Variants in MICALL2 observed in about 807,000 individuals in gnomAD.
MICALL2 encodes the protein MICAL like 2.
Under a neutral mutation model 91.1 loss-of-function variants are expected in MICALL2, and 111 were observed. The observed-to-expected ratio is 1.22, with a 90% confidence interval of 1.04 to 1.43. MICALL2 has a LOEUF of 1.43. Among genes scored for constraint, MICALL2 ranks in the 40% most tolerant of loss-of-function variants. The probability of loss-of-function intolerance (pLI) is 0.00; values close to 1 mark genes in which losing one functional copy is unlikely to be tolerated. For synonymous variants in MICALL2, 694 were observed against 525.3 expected (o/e 1.32, Z -4.39); for missense variants, 1,556 against 1,236.0 (o/e 1.26, Z -3.88).
chr7:1,457,053 G>C (rs6963362), intron 1 of MICALL2, among the ~76,000 whole-genome samples: 3 of 152,100 alleles, frequency 2.0e-5, no homozygotes, highest in Non-Finnish European at 4.4e-5. Flanking sequence ...GGAGGTTCTC[G>C]GGGAGGGTCC....
intron 15 of MICALL2, among the ~76,000 whole-genome samples, 188 bp downstream of exon 15, chr7:1,436,551 CAAA>C (rs59955608): frequency 3.4e-4 from 25 of 74,468 alleles, no homozygotes; most frequent in African/African-American, 7.8e-4. Context: ...GACTCTGTCT[CAAA>C]AAAAAAAAAA....
intron 13 of MICALL2, 119 bp downstream of exon 13, chr7:1,437,770 TG>T: frequency 1.6e-6 from 2 of 1,245,762 alleles, no homozygotes; most frequent in Non-Finnish European, 2.3e-6. Context: ...AACGAGGTCC[TG>T]GACCTGCCGC....
At chr7:1,447,906 G>C (rs1323524697) in intron 3 of MICALL2, 141 bp from the exon 4 acceptor site, 2 of 584,532 alleles carry the variant, frequency 3.4e-6, no homozygotes, top group Non-Finnish European at 5.5e-6. Flanking sequence ...AGGTAACCCT[G>C]AGGGCACTTT....
rs1252174192 is a variant in MICALL2, at chr7:1,440,459, C to G, written c.1805+132G>C. On this transcript the variant is annotated intron_variant, in intron 8 of 16. Coordinates refer to ENST00000297508, the MANE Select transcript of MICALL2 (RefSeq NM_182924.4). ...CCCATGTCCCTCAGGCAGGGGTGAC[C>G]TGGCCTCTGCTACTCACAGGGAGGT... is the stretch of plus-strand genomic sequence containing the variant. The G allele has an allele frequency of 6.1e-6, 5 of 813,942 alleles. No homozygotes were observed. The East Asian group carries it at 1.3e-4, about 22-fold the overall frequency. 50.4% of individuals were successfully genotyped at this position (813,942 alleles called of 1,614,324 possible). A position where few individuals can be genotyped will look rare whatever the true frequency, so the allele number is the denominator to read the frequency against.
Position 1,438,108 on chromosome 7 carries a change from G to T in MICALL2, c.2300C>A (p.Ala767Glu), listed in dbSNP as rs750235718. The change falls in exon 12 of 17, where the codon GCG becomes GAG. Residue 767 changes from alanine to glutamate, a missense_variant. Coordinates refer to ENST00000297508, the MANE Select transcript of MICALL2 (RefSeq NM_182924.4). ...RGVELEKRLRAAEGDDAEDSL... is the reference protein window; with the variant it reads ...RGVELEKRLREAEGDDAEDSL... ...GCCGAGGCGCTCACCTCCCTCGGCCGCCCGCAGTCGCTTCTCCAGCTCCAC... is the reference window on the plus strand; with the variant it reads ...GCCGAGGCGCTCACCTCCCTCGGCCTCCCGCAGTCGCTTCTCCAGCTCCAC... 2 of 1,564,252 alleles carry T rather than the reference G, an allele frequency of 1.3e-6. No individual in the cohort carries two copies. The highest frequency in any genetic ancestry group is 8.7e-7 in the Non-Finnish European group (1 of 1,155,328).
chr7:1,442,532 TCCCA>T, intron 6 of MICALL2, 48 bp from the exon 7 acceptor site: 5 of 1,498,044 alleles, frequency 3.3e-6, no homozygotes, highest in South Asian at 2.7e-5. Flanking sequence ...CCAGGCGCCC[TCCCA>T]CCATCACCCG....
chr7:1,438,229 G>T lies in MICALL2; in HGVS notation c.2188-9C>A. The T allele has an allele frequency of 6.3e-7, 1 of 1,588,848 alleles. No individual in the cohort carries two copies. The highest frequency in any genetic ancestry group is 8.6e-7 in the Non-Finnish European group (1 of 1,167,822). ...AGGTAGTCGGGGTGCAGCTGGGAAC[G>T]GAGGGGCGGTGAGGATGCCGGAGGG... On this transcript the variant is annotated splice_polypyrimidine_tract_variant and intron_variant, in intron 11 of 16. Coordinates refer to ENST00000297508, the MANE Select transcript of MICALL2 (RefSeq NM_182924.4).
chr7:1,445,897 G>C (rs1396038349), intron 5 of MICALL2, among the ~76,000 whole-genome samples: 2 of 151,876 alleles, frequency 1.3e-5, no homozygotes. Flanking sequence ...CCCCCACCCG[G>C]GGTGCAGGGT....
chr7:1,450,210 A>G (rs112536941), intron 2 of MICALL2, 30 bp downstream of exon 2: 1 of 1,604,788 alleles, frequency 6.2e-7, no homozygotes, highest in African/African-American at 1.3e-5. Flanking sequence ...TGGCTAAGCC[A>G]GCTGTGAGGC....
At chr7:1,439,620 T>C (rs1780178055) in intron 9 of MICALL2, 2 of 319,198 alleles carry the variant, frequency 6.3e-6, no homozygotes, top group South Asian at 1.1e-4. Flanking sequence ...ATCACATACA[T>C]GAACAGACAC....
Position 1,434,535 on chromosome 7 carries a change from C to A in MICALL2, c.*61G>T, listed in dbSNP as rs1361437510. 2.1e-6 allele frequency: 3 copies of A among 1,456,046 alleles called. No homozygotes were observed. The highest frequency in any genetic ancestry group is 2.9e-6 in the Non-Finnish European group (3 of 1,037,180). 90.2% of individuals were successfully genotyped at this position (1,456,046 alleles called of 1,614,324 possible). A position where few individuals can be genotyped will look rare whatever the true frequency, so the allele number is the denominator to read the frequency against. On this transcript the variant is annotated 3_prime_UTR_variant, in exon 17 of 17. Transcript: ENST00000297508. ...CCGGGTTCCGGGTCCGGGCCAAGCC[C>A]ATGGCCCCGAGTCCAAGTCCGGATG...
chr7:1,457,065 T>G (rs958938369), intron 1 of MICALL2, among the ~76,000 whole-genome samples: 3 of 152,112 alleles, frequency 2.0e-5, no homozygotes, highest in African/African-American at 7.2e-5. Context: ...GGAGGGTCCT[T>G]CCTGCCTCTT....
chr7:1,437,900 G>T lies in MICALL2; in HGVS notation c.2392C>A (p.Leu798Met). The change falls in exon 13 of 17, where the codon CTG becomes ATG. Residue 798 changes from leucine (L) to methionine (M), a missense_variant. Leu to Met is a conservative substitution (Grantham distance 15). Transcript: ENST00000297508. ...CGGCTGGGCTCTCACTTGTACATCA[G>T]CTCTGACTCCTGTCTCAGCAGAAGC... Reference protein sequence around the residue: ...KQLLLRQESELMYKSKAQRLE... With the variant: ...KQLLLRQESEMMYKSKAQRLE... 1 of 1,549,030 alleles carries T rather than the reference G, an allele frequency of 6.5e-7. No homozygotes were observed. The highest frequency in any genetic ancestry group is 8.7e-7 in the Non-Finnish European group (1 of 1,146,788).
rs553738697 is a variant in MICALL2, at chr7:1,438,963, G to A, written c.1999C>T (p.Leu667=). 1.2e-4 allele frequency: 188 copies of A among 1,600,640 alleles called. No individual in the cohort carries two copies. The South Asian group carries it at 1.8e-3, about 16-fold the overall frequency. The change falls in exon 10 of 17, where the codon CTG becomes TTG. Residue 667 remains leucine, a synonymous_variant. Coordinates refer to ENST00000297508, the MANE Select transcript of MICALL2 (RefSeq NM_182924.4). Reference sequence around the variant, plus strand: ...ACGTCGAGGCTGGCAGGGACGGCCAGTCTCCTGCGGCGGGGTGGGGAGGGG... The same window carrying A: ...ACGTCGAGGCTGGCAGGGACGGCCAATCTCCTGCGGCGGGGTGGGGAGGGG... The part of the protein sequence containing the change: ...RSPSPPRRRR[L]AVPASLDVCD...
chr7:1,447,828 C>T, intron 3 of MICALL2, 63 bp from the exon 4 acceptor site: 1 of 1,271,144 alleles, frequency 7.9e-7, no homozygotes, highest in Non-Finnish European at 1.1e-6. Context: ...TCTAGTCCCT[C>T]CAGAGGTCCC....
At chr7:1,446,562 C>A (rs570556269) in intron 5 of MICALL2, 151 bp downstream of exon 5, 72,567 of 495,492 alleles carry the variant, frequency 0.15, 5,797 homozygotes, top group Non-Finnish European at 0.19. Flanking sequence ...GGAGGGGAGA[C>A]GGGGAGGGGG....
In MICALL2 at chr7:1,437,609, C is replaced by G; in HGVS notation, c.2403-1G>C. 8 of 1,539,542 alleles carry G rather than the reference C, an allele frequency of 5.2e-6. No individual in the cohort carries two copies. The highest frequency in any genetic ancestry group is 7.0e-6 in the Non-Finnish European group (8 of 1,146,318). On this transcript the variant is annotated splice_acceptor_variant, in intron 13 of 16. Coordinates refer to ENST00000297508, the MANE Select transcript of MICALL2 (RefSeq NM_182924.4). LOFTEE classifies it high-confidence loss of function. The stretch of plus-strand genomic sequence containing the variant: ...CTCCTCCAGACGCTGGGCCTTGGAC[C>G]TGCCGCACAGACACGCGTCTGAGGC...
Position 1,442,217 on chromosome 7 carries a change from C to G in MICALL2, c.1686G>C (p.Lys562Asn), listed in dbSNP as rs149817393. 1.2e-6 allele frequency: 2 copies of G among 1,612,760 alleles called. No individual in the cohort carries two copies. Among genetic ancestry groups the G allele is most frequent in the East Asian group, 2.2e-5 (1 of 44,884 alleles). The change falls in exon 7 of 17, where the codon AAG becomes AAC. Residue 562 changes from lysine to asparagine, a missense_variant. Lys to Asn is a moderately conservative substitution (Grantham distance 94, BLOSUM62 0). Coordinates refer to ENST00000297508, the MANE Select transcript of MICALL2 (RefSeq NM_182924.4). Reference sequence around the variant, plus strand: ...CCTGCGTTAAGGTGGTGCTTTTACCCTTTGCCATCGGGGCCTCTGGCTTCG... The same window carrying G: ...CCTGCGTTAAGGTGGTGCTTTTACCGTTTGCCATCGGGGCCTCTGGCTTCG... ...SRPKPEAPMA[K>N]GKSTTLTQDM...
rs1446316639 is a variant in MICALL2 at position 1,452,310 on chromosome 7, TCCC to T, written c.144-2025_144-2023del. 6.6e-6 allele frequency among the ~76,000 whole-genome samples: 1 copy of T among 152,038 alleles called. No individual in the cohort carries two copies. Among genetic ancestry groups the T allele is most frequent in the Non-Finnish European group, 1.5e-5 (1 of 67,982 alleles). On this transcript the variant is annotated intron_variant, in intron 1 of 16. Coordinates refer to ENST00000297508, the MANE Select transcript of MICALL2 (RefSeq NM_182924.4). The surrounding 1 kb of genome is among the most constrained non-coding windows in gnomAD (Gnocchi z 6.2). Reference sequence around the variant, plus strand: ...CGATGCCTCTGTCTGCCTGGGCTTGTCCCCCGAGAGGGTGTGACCCGAGGGCAC... The same window carrying T: ...CGATGCCTCTGTCTGCCTGGGCTTGTCCGAGAGGGTGTGACCCGAGGGCAC...
Sources: gnomAD v4.1 joint callset for allele counts (sites outside exome capture counted in the v4.1 genomes callset) on GRCh38, gnomAD v4.1.1 for gene constraint, Gnocchi (gnomAD v3.1) non-coding constraint, MANE v1.5 for transcripts, NCBI Gene and HGNC (gene_info 2026-07-23, HGNC 2026-07-21) for gene names.